The following ABCB4 variants were observed in gnomAD, a reference collection of about 807,000 sequenced individuals.
ABCB4 encodes ATP binding cassette subfamily B member 4, also known as phosphatidylcholine translocator ABCB4.
ABCB4 carries 76 observed loss-of-function variants against 145.7 expected under a neutral mutation model. The ratio of observed to expected loss-of-function variants is 0.52; its 90% CI spans 0.43 to 0.63. The LOEUF (loss-of-function observed/expected upper bound fraction) is 0.63, where lower values mean the gene tolerates loss of function less well. ABCB4 is among the 30% of genes least tolerant of loss of function. ABCB4 has a pLI of 0.00. For synonymous variants in ABCB4, 517 were observed against 566.8 expected (o/e 0.91, Z 1.25); for missense variants, 1,234 against 1,553.1 (o/e 0.79, Z 3.45).
At chr7:87,398,865 C>A (rs1807646845), downstream of ABCB4, 2 of 520,210 alleles carry the variant, frequency 3.8e-6, no homozygotes, top group Non-Finnish European at 6.8e-6. Flanking sequence ...AGCAGCAATG[C>A]AAATTATGAC....
chr7:87,475,264 A>G lies in ABCB4; in HGVS notation c.80+122T>C, dbSNP rs1377724949. On this transcript the variant is annotated intron_variant, in intron 2 of 27. Transcript: ENST00000649586. ...CAGAACCGGATGCAAGACCCTTCAA[A>G]GAAGCCTCCAAAACAAAGGTCTTCA... The G allele has an allele frequency of 2.5e-6, 3 of 1,183,346 alleles. No homozygotes were observed. In the Admixed American group the frequency reaches 5.2e-5, roughly 21 times the overall value. 73.3% of individuals were successfully genotyped at this position (1,183,346 alleles called of 1,614,324 possible).
the ABCB4 span, chr7:87,391,739 A>G: frequency 5.0e-6 from 8 of 1,595,594 alleles, no homozygotes; most frequent in Non-Finnish European, 6.0e-6. Context: ...AAAAAAACTC[A>G]CAAGATTTGT....
chr7:87,375,965 C>A, the ABCB4 span: 1 of 1,479,932 alleles, frequency 6.8e-7, no homozygotes, highest in South Asian at 1.3e-5. Flanking sequence ...TACTTAACTA[C>A]CTTCTCTTTT....
the ABCB4 span, chr7:87,369,283 G>T: frequency 2.7e-6 from 2 of 727,978 alleles, no homozygotes; most frequent in Admixed American, 5.1e-5. Context: ...TAAAATACTG[G>T]AAGAATGCCT....
intron 21 of ABCB4, among the ~76,000 whole-genome samples, chr7:87,416,034 A>G (rs1808949494): frequency 6.6e-6 from 1 of 152,176 alleles, no homozygotes; most frequent in South Asian, 2.1e-4. Context: ...AGCAGCCAAG[A>G]GAATCTTCAA....
At chr7:87,430,323 G>A (rs45576538) in intron 15 of ABCB4, among the ~76,000 whole-genome samples, 1 of 152,092 alleles carries the variant, frequency 6.6e-6, no homozygotes, top group Admixed American at 6.5e-5. Context: ...ACAAAAATAT[G>A]TGTGTACATG....
chr7:87,376,161 T>C, the ABCB4 span, among the ~76,000 whole-genome samples: 4 of 152,134 alleles, frequency 2.6e-5, no homozygotes, highest in Non-Finnish European at 5.9e-5. Context: ...TGTTTAGCTA[T>C]ATATTATACT....
chr7:87,463,869 T>C (rs907627051), intron 3 of ABCB4, among the ~76,000 whole-genome samples: 2 of 152,196 alleles, frequency 1.3e-5, no homozygotes, highest in Non-Finnish European at 2.9e-5. Flanking sequence ...TGTTACTGTC[T>C]TATTAGTCCT....
chr7:87,396,903 G>A (rs1192707314), downstream of ABCB4, among the ~76,000 whole-genome samples: 1 of 152,066 alleles, frequency 6.6e-6, no homozygotes, highest in East Asian at 1.9e-4. Context: ...TATGCTTTGA[G>A]ATATTTTGAT....
At position 87,412,028 on chromosome 7, in the gene ABCB4, G is replaced by A; in HGVS notation, c.2789C>T (p.Ser930Phe). ...TCCATAGATGTGTGCCTTCTGCACA[G>A]AATTCCTGAAAAGCAAATCAGTATA... is the stretch of plus-strand genomic sequence containing the variant. ...VEKLYGPYRN[S>F]VQKAHIYGIT... Residue 930 changes from serine to phenylalanine, a missense_variant, in exon 23 of 28, where the codon TCT becomes TTT. Physicochemically the swap from Ser to Phe is radical, Grantham distance 155 (BLOSUM62 -2). Around this residue, in one of 7 missense-constraint regions of ABCB4, gnomAD observed 301 missense variants for 389.0 expected, o/e 0.77. Transcript: ENST00000649586. The A allele has an allele frequency of 6.2e-7, 1 of 1,613,654 alleles. No individual in the cohort carries two copies. The highest frequency in any genetic ancestry group is 8.5e-7 in the Non-Finnish European group (1 of 1,179,650).
intron 14 of ABCB4, among the ~76,000 whole-genome samples, chr7:87,437,846 A>G (rs1263198732): frequency 6.6e-6 from 1 of 152,200 alleles, no homozygotes; most frequent in Non-Finnish European, 1.5e-5. Context: ...GACTTTAAAA[A>G]ATTATGAGTA....
the ABCB4 span, among the ~76,000 whole-genome samples, chr7:87,394,641 T>C: frequency 2.2e-4 from 33 of 152,180 alleles, no homozygotes; most frequent in African/African-American, 6.7e-4. Context: ...TGCCTTTTGA[T>C]CTCCAATTAA....
the ABCB4 span, among the ~76,000 whole-genome samples, chr7:87,380,444 G>A: frequency 6.6e-6 from 1 of 152,274 alleles, no homozygotes; most frequent in African/African-American, 2.4e-5. Context: ...GCATCTGTAT[G>A]TATGTATGCA....
In ABCB4 at chr7:87,408,306, G is replaced by A; in HGVS notation, c.3082-72C>T. On this transcript the variant is annotated intron_variant, in intron 24 of 27. Transcript: ENST00000649586. ...TTGGAATAAGAAATATTATTTCAAG[G>A]AAACTTTACCAAAGACTGTAGTAGA... 5 of 1,464,514 alleles carry A rather than the reference G, an allele frequency of 3.4e-6. No individual in the cohort carries two copies. The South Asian group carries it at 3.6e-5, about 10-fold the overall frequency. The allele number at this position is 1,464,514 out of a possible 1,614,324, so 90.7% of individuals were successfully genotyped here.
At chr7:87,458,370 C>T (rs914676975) in intron 4 of ABCB4, among the ~76,000 whole-genome samples, 35 of 152,182 alleles carry the variant, frequency 2.3e-4, no homozygotes, top group African/African-American at 3.4e-4. Flanking sequence ...TTGACAAGGA[C>T]GAGCTTTGCT....
chr7:87,463,773 G>T (rs1274492589), intron 3 of ABCB4, among the ~76,000 whole-genome samples: 1 of 152,140 alleles, frequency 6.6e-6, no homozygotes, highest in Non-Finnish European at 1.5e-5. Flanking sequence ...CCTACAGAGG[G>T]GAAGGGTGAT....
intron 12 of ABCB4, 33 bp downstream of exon 12, chr7:87,443,286 C>G (rs1424058072): frequency 6.2e-7 from 1 of 1,613,444 alleles, no homozygotes. Context: ...TATCCAGCTT[C>G]CCACTCTGGA....
At chr7:87,463,494 A>C (rs1326446101) in intron 3 of ABCB4, among the ~76,000 whole-genome samples, 1 of 152,212 alleles carries the variant, frequency 6.6e-6, no homozygotes, top group Admixed American at 6.5e-5. Context: ...CCTTTTTTAA[A>C]AATTTAGTTT....
rs1182507724 is a variant in ABCB4 at position 87,408,213 on chromosome 7, T to C, written c.3103A>G (p.Thr1035Ala). ...TAGTTGAACACGACTTCATTAAATG[T>C]TATATTTCCTTCAAATTTATCCTGA... ...LKPDKFEGNI[T>A]FNEVVFNYPT... The change falls in exon 25 of 28, where the codon ACA becomes GCA. Residue 1035 changes from threonine to alanine, a missense_variant. Thr to Ala is a moderately conservative substitution (Grantham distance 58). Around this residue, in one of 7 missense-constraint regions of ABCB4, gnomAD observed 301 missense variants for 389.0 expected, o/e 0.77. Transcript: ENST00000649586. 3 of 1,614,028 alleles carry C rather than the reference T, an allele frequency of 1.9e-6. No homozygotes were observed. In the African/African-American group the frequency reaches 4.0e-5, roughly 22 times the overall value.
Sources: gnomAD v4.1 joint callset for allele counts (sites outside exome capture counted in the v4.1 genomes callset) on GRCh38, gnomAD v4.1.1 for gene constraint, gnomAD v4.1.1 regional missense constraint, MANE v1.5 for transcripts, NCBI Gene and HGNC (gene_info 2026-07-23, HGNC 2026-07-21) for gene names.